DHX8: variants seen among roughly 807,000 people sequenced by gnomAD.
DHX8 encodes the protein DEAH-box helicase 8.
In DHX8, 67 loss-of-function variants were observed where a neutral mutation model predicts 140.7. That is an observed-to-expected ratio of 0.48 (90% CI 0.39 to 0.58). DHX8 has a LOEUF of 0.58. DHX8 is among the 20% of genes least tolerant of loss of function. The pLI is 0.00. For synonymous variants in DHX8, 533 were observed against 553.2 expected (o/e 0.96, Z 0.51); for missense variants, 887 against 1,550.7 (o/e 0.57, Z 7.19).
intron 16 of DHX8, among the ~76,000 whole-genome samples, chr17:43,510,591 A>G (rs1969769756): frequency 6.6e-6 from 1 of 152,026 alleles, no homozygotes; most frequent in Admixed American, 6.6e-5. Context: ...TTTTATTTGT[A>G]TTTTTTTATT....
At chr17:43,515,074 C>T (rs1225443771) in intron 17 of DHX8, among the ~76,000 whole-genome samples, 2 of 151,924 alleles carry the variant, frequency 1.3e-5, no homozygotes, top group Non-Finnish European at 2.9e-5. Flanking sequence ...TTCTTTTATA[C>T]TTTTATATGT....
At chr17:43,536,385 C>T (rs1478826328) in intron 2 of DHX8, 4 of 1,568,868 alleles carry the variant, frequency 2.5e-6, no homozygotes, top group South Asian at 2.2e-5. Flanking sequence ...TTCCTGCCAT[C>T]CTCCACTCCC....
chr17:43,493,032 AG>A lies in DHX8; in HGVS notation c.857del (p.Gly286AspfsTer2). ...AGTTTGGTTGCTTTGTGCAGCTGGA[AG>A]GACTAAGGTAATGACTGGTGCTCTT... The part of the protein sequence containing the change: ...MQFGCFVQLE[G>X]LRKRWEGLVH... On this transcript the variant is annotated frameshift_variant, in exon 6 of 23. Coordinates refer to ENST00000262415, the MANE Select transcript of DHX8 (RefSeq NM_004941.3). LOFTEE classifies it high-confidence loss of function. The A allele has an allele frequency of 1.2e-6, 2 of 1,613,374 alleles. No homozygotes were observed. The highest frequency in any genetic ancestry group is 1.7e-6 in the Non-Finnish European group (2 of 1,179,312).
chr17:43,513,827 C>T (rs1212499156), intron 17 of DHX8, among the ~76,000 whole-genome samples: 2 of 151,122 alleles, frequency 1.3e-5, no homozygotes, highest in East Asian at 3.9e-4. Context: ...GATTCTCCTG[C>T]CTTAGCCTCC....
At chr17:43,512,312 G>A (rs1011034910) in intron 16 of DHX8, among the ~76,000 whole-genome samples, 21 of 151,680 alleles carry the variant, frequency 1.4e-4, no homozygotes, top group African/African-American at 3.9e-4. Flanking sequence ...GCTTGAACCC[G>A]GGAGGTGGAG....
chr17:43,539,727 C>A (rs1206586655), intron 3 of DHX8, among the ~76,000 whole-genome samples: 1 of 152,206 alleles, frequency 6.6e-6, no homozygotes, highest in African/African-American at 2.4e-5. Flanking sequence ...TCCCTGCAGG[C>A]TCCCCCTCTC....
At chr17:43,496,646 G>A (rs994032228) in intron 9 of DHX8, among the ~76,000 whole-genome samples, 2 of 152,058 alleles carry the variant, frequency 1.3e-5, no homozygotes, top group Non-Finnish European at 2.9e-5. Flanking sequence ...TGGGTGTGGT[G>A]GCGCATGCCT....
chr17:43,530,826 T>TC (rs1171802589), downstream of DHX8, among the ~76,000 whole-genome samples: 1 of 149,570 alleles, frequency 6.7e-6, no homozygotes, highest in Non-Finnish European at 1.5e-5. Flanking sequence ...CTTCCCGCCC[T>TC]CCCCCCACTG....
intron 11 of DHX8, among the ~76,000 whole-genome samples, chr17:43,502,290 C>A (rs1038072928): frequency 2.0e-5 from 3 of 152,182 alleles, no homozygotes; most frequent in Admixed American, 2.0e-4. Flanking sequence ...TGATGGCTCA[C>A]GCCTGTAATC....
chr17:43,507,700 C>A lies in DHX8; in HGVS notation c.2109+12C>A, dbSNP rs1383734574. ...GATTGTTGAAAAAGGTAACTAGATG[C>A]TCTTTAATGACCCCTCTACCTGTTG... On this transcript the variant is annotated intron_variant, in intron 14 of 22. Transcript: ENST00000262415. The A allele has an allele frequency of 6.2e-7, 1 of 1,613,390 alleles. No homozygotes were observed. Among genetic ancestry groups the A allele is most frequent in the African/African-American group, 1.3e-5 (1 of 74,910 alleles).
Position 43,507,795 on chromosome 17 carries a change from A to G in DHX8, c.2110-14A>G, listed in dbSNP as rs938472691. On this transcript the variant is annotated splice_polypyrimidine_tract_variant and intron_variant, in intron 14 of 22. Coordinates refer to ENST00000262415, the MANE Select transcript of DHX8 (RefSeq NM_004941.3). ...GTAGTCCTTTTCAGTAAGCCACATA[A>G]TATTTCTCTTCAGACAGTTCAGAAA... 4 of 1,614,032 alleles carry G rather than the reference A, an allele frequency of 2.5e-6. No individual in the cohort carries two copies. Among genetic ancestry groups the G allele is most frequent in the Non-Finnish European group, 3.4e-6 (4 of 1,180,012 alleles).
chr17:43,527,796 A>AC (rs1179337966), downstream of DHX8: 4 of 219,012 alleles, frequency 1.8e-5, no homozygotes, highest in Admixed American at 5.8e-5. Flanking sequence ...AGCTCTTTCT[A>AC]CCCCCAGGTC....
At chr17:43,504,621 A>G in intron 11 of DHX8, 23 bp from the exon 12 acceptor site, 2 of 1,599,992 alleles carry the variant, frequency 1.3e-6, no homozygotes, top group Non-Finnish European at 1.7e-6. Flanking sequence ...GGACAATACT[A>G]AGTTGCCTGT....
chr17:43,529,894 C>T (rs1970806023), downstream of DHX8: 1 of 1,614,162 alleles, frequency 6.2e-7, no homozygotes, highest in African/African-American at 1.3e-5. Context: ...CTTCAAATTT[C>T]TCAGGGACAA....
chr17:43,524,228 A>C lies in DHX8; in HGVS notation c.*381A>C. ...CCAGCTAGCAGGAGCTACTGTGCTC[A>C]TCTAAAGTGTTTGCCCCACTTCCCA... is the stretch of plus-strand genomic sequence containing the variant. On this transcript the variant is annotated 3_prime_UTR_variant, in exon 23 of 23. Transcript: ENST00000262415. 9.4e-7 allele frequency: 1 copy of C among 1,063,816 alleles called. No individual in the cohort carries two copies. Among genetic ancestry groups the C allele is most frequent in the African/African-American group, 1.7e-5 (1 of 59,790 alleles). The allele number at this position is 1,063,816 out of a possible 1,614,324, so 65.9% of individuals were successfully genotyped here.
chr17:43,504,543 G>T, intron 11 of DHX8, 101 bp from the exon 12 acceptor site: 1 of 1,166,948 alleles, frequency 8.6e-7, no homozygotes, highest in South Asian at 1.6e-5. Context: ...TCGCTGAATT[G>T]AGATGCTGCA....
intron 18 of DHX8, 49 bp from the exon 19 acceptor site, chr17:43,520,081 C>G: frequency 1.2e-6 from 2 of 1,604,944 alleles, no homozygotes; most frequent in Non-Finnish European, 1.7e-6. Flanking sequence ...CATGCTGACA[C>G]TGGCTAGACT....
chr17:43,484,152 G>A lies in DHX8; in HGVS notation c.115G>A (p.Asp39Asn), dbSNP rs192941596. Residue 39 changes from aspartate to asparagine, a missense_variant, in exon 1 of 23, where the codon GAC (aspartate) becomes AAC (asparagine). This residue lies in a region of DHX8 where 8 missense variants were observed against 26.2 expected (regional missense o/e 0.31). Transcript: ENST00000262415. ...SLVSKVCTEL[D>N]NHLGINDKDL... Reference sequence around the variant, plus strand: ...GGTGTCAAAGGTTTGCACTGAGCTGGACAATCACTTGGGGATCAACGACAA... The same window carrying A: ...GGTGTCAAAGGTTTGCACTGAGCTGAACAATCACTTGGGGATCAACGACAA... 1 of 1,614,184 alleles carries A rather than the reference G, an allele frequency of 6.2e-7. No homozygotes were observed. Among genetic ancestry groups the A allele is most frequent in the East Asian group, 2.2e-5 (1 of 44,870 alleles).
chr17:43,508,166 G>A, intron 15 of DHX8, 147 bp downstream of exon 15: 2 of 1,155,812 alleles, frequency 1.7e-6, no homozygotes, highest in African/African-American at 1.6e-5. Context: ...TTGTATGTTT[G>A]AAATGATGGT....
Sources: allele counts gnomAD v4.1 joint callset (sites outside exome capture counted in the v4.1 genomes callset), GRCh38; gene constraint gnomAD v4.1.1; regional missense constraint gnomAD v4.1.1; transcripts MANE v1.5; gene names NCBI Gene and HGNC (gene_info 2026-07-23, HGNC 2026-07-21).